SEL1L3: variants seen among roughly 807,000 people sequenced by gnomAD.
The protein encoded by SEL1L3 is SEL1L family member 3.
A neutral mutation model predicts 142.8 loss-of-function variants in SEL1L3; 76 were observed. That is an observed-to-expected ratio of 0.53 (90% CI 0.44 to 0.64). SEL1L3 has a LOEUF of 0.64. SEL1L3 is among the 30% of genes least tolerant of loss of function. The pLI is 0.00. For synonymous variants in SEL1L3, 504 were observed against 519.6 expected (o/e 0.97, Z 0.41); for missense variants, 1,262 against 1,381.7 (o/e 0.91, Z 1.37).
At chr4:25,791,314 A>G (rs1712320855) in intron 11 of SEL1L3, among the ~76,000 whole-genome samples, 1 of 152,248 alleles carries the variant, frequency 6.6e-6, no homozygotes, top group African/African-American at 2.4e-5. Context: ...AAGAAAGAAT[A>G]TGCTAGAGGC....
intron 1 of SEL1L3, among the ~76,000 whole-genome samples, chr4:25,852,125 T>C (rs1366296509): frequency 6.6e-6 from 1 of 152,120 alleles, no homozygotes; most frequent in East Asian, 1.9e-4. Context: ...ATAAAAATCA[T>C]CTCATAATTA....
At chr4:25,737,444 G>C in the SEL1L3 span, among the ~76,000 whole-genome samples, 71,169 of 151,964 alleles carry the variant, frequency 0.47, 17,146 homozygotes, top group East Asian at 0.67. Flanking sequence ...CTTCTTGATG[G>C]ATATGTGGGA....
rs756025955 is a variant in SEL1L3, at chr4:25,832,995, C to T, written c.1098G>A (p.Gln366=). The change falls in exon 5 of 24, where the codon CAG becomes CAA. Residue 366 remains glutamine (Q), a splice_region_variant and synonymous_variant. Coordinates refer to ENST00000399878, the MANE Select transcript of SEL1L3 (RefSeq NM_015187.5). The part of the protein sequence containing the change: ...FRLDISFNGG[Q]IVVTTSIGQD... ...TGTGATGAAGCGTGCATACAGATAC[C>T]TGGCCTCCGTTAAAAGAGATATCCA... 6.4e-7 allele frequency: 1 copy of T among 1,565,652 alleles called. No individual in the cohort carries two copies. The highest frequency in any genetic ancestry group is 8.8e-7 in the Non-Finnish European group (1 of 1,136,118).
chr4:25,724,161 G>A, the SEL1L3 span, among the ~76,000 whole-genome samples: 1 of 152,172 alleles, frequency 6.6e-6, no homozygotes, highest in Admixed American at 6.5e-5. Context: ...GCTCACACCT[G>A]TAATCCCAGC....
chr4:25,729,037 T>A, the SEL1L3 span, among the ~76,000 whole-genome samples: 3 of 152,072 alleles, frequency 2.0e-5, no homozygotes, highest in Admixed American at 2.0e-4. Flanking sequence ...ACCAGACGTT[T>A]TTTTTTCCCC....
At chr4:25,769,835 G>GT (rs372003430) in intron 17 of SEL1L3, among the ~76,000 whole-genome samples, 12 of 152,232 alleles carry the variant, frequency 7.9e-5, no homozygotes, top group Middle Eastern at 3.4e-3. Context: ...ACAAAATGAG[G>GT]TTTTTTCTGG....
the SEL1L3 span, among the ~76,000 whole-genome samples, chr4:25,732,028 C>G: frequency 3.9e-5 from 6 of 152,110 alleles, no homozygotes; most frequent in Non-Finnish European, 7.4e-5. Context: ...GATCGGAAAT[C>G]ACAGCACTGC....
intron 2 of SEL1L3, among the ~76,000 whole-genome samples, chr4:25,842,341 C>T (rs2109301561): frequency 6.7e-6 from 1 of 148,252 alleles, no homozygotes; most frequent in African/African-American, 2.5e-5. Flanking sequence ...TTTTGCCAAG[C>T]AGACATGGAA....
intron 1 of SEL1L3, among the ~76,000 whole-genome samples, chr4:25,856,577 G>C (rs1353817233): frequency 7.0e-6 from 1 of 143,772 alleles, no homozygotes; most frequent in Admixed American, 7.1e-5. Flanking sequence ...TTGTGTAAAT[G>C]TGCATGTATT....
At chr4:25,781,789 C>T (rs768362712) in intron 15 of SEL1L3, among the ~76,000 whole-genome samples, 1 of 152,164 alleles carries the variant, frequency 6.6e-6, no homozygotes, top group Admixed American at 6.5e-5. Context: ...GTGCTTGGCA[C>T]AGAGGAAATG....
At chr4:25,736,895 A>G in the SEL1L3 span, among the ~76,000 whole-genome samples, 3 of 152,020 alleles carry the variant, frequency 2.0e-5, no homozygotes, top group African/African-American at 7.2e-5. Flanking sequence ...CCTTATCTTG[A>G]AGTCTATTTT....
chr4:25,734,471 G>A, the SEL1L3 span, among the ~76,000 whole-genome samples: 56 of 152,208 alleles, frequency 3.7e-4, no homozygotes, highest in African/African-American at 1.3e-3. Context: ...GGTTTTAAAT[G>A]TTAAACAACC....
chr4:25,844,345 C>T (rs765932934), intron 2 of SEL1L3, among the ~76,000 whole-genome samples: 1 of 152,150 alleles, frequency 6.6e-6, no homozygotes, highest in Non-Finnish European at 1.5e-5. Flanking sequence ...TTTCGGTAAA[C>T]AAATCACAGC....
chr4:25,862,918 G>A lies in SEL1L3; in HGVS notation c.-82C>T. The stretch of plus-strand genomic sequence containing the variant: ...CGCCCGAGGCGCCACCTTCCCGCCC[G>A]CCCCCGGCCGGGCCGGCCGCCGCGC... On this transcript the variant is annotated 5_prime_UTR_variant, in exon 1 of 24. Coordinates refer to ENST00000399878, the MANE Select transcript of SEL1L3 (RefSeq NM_015187.5). The A allele has an allele frequency of 2.1e-6, 2 of 933,414 alleles. No individual in the cohort carries two copies. Among genetic ancestry groups the A allele is most frequent in the Non-Finnish European group, 2.5e-6 (2 of 796,294 alleles). 57.8% of individuals were successfully genotyped at this position (933,414 alleles called of 1,614,324 possible). A position where few individuals can be genotyped will look rare whatever the true frequency, so the allele number is the denominator to read the frequency against.
chr4:25,714,049 T>C, the SEL1L3 span, among the ~76,000 whole-genome samples: 5 of 152,182 alleles, frequency 3.3e-5, no homozygotes, highest in African/African-American at 1.2e-4. Flanking sequence ...ATAAGGCAAG[T>C]CACTCCTCTT....
chr4:25,729,306 G>T, the SEL1L3 span, among the ~76,000 whole-genome samples: 1 of 152,146 alleles, frequency 6.6e-6, no homozygotes, highest in Non-Finnish European at 1.5e-5. Flanking sequence ...GCATTTTAAT[G>T]TTAAGTCTCC....
rs557487563 is a variant in SEL1L3, at chr4:25,782,227, T to A, written c.2457+15A>T. 2.5e-6 allele frequency: 4 copies of A among 1,611,236 alleles called. No homozygotes were observed. The highest frequency in any genetic ancestry group is 2.2e-5 in the South Asian group (2 of 90,872). ...TGACTGACTAGTTGCAGAGTGGGTC[T>A]CAAGTCCTACTCACTTGATTCCTTC... On this transcript the variant is annotated intron_variant, in intron 15 of 23. Coordinates refer to ENST00000399878, the MANE Select transcript of SEL1L3 (RefSeq NM_015187.5).
In SEL1L3 at chr4:25,822,023, A is replaced by G; in HGVS notation, c.1263T>C (p.Tyr421=). Residue 421 remains tyrosine (Y), a synonymous_variant, in exon 7 of 24, where the codon TAT becomes TAC. Coordinates refer to ENST00000399878, the MANE Select transcript of SEL1L3 (RefSeq NM_015187.5). ...GGGCGGGGTGCAGACTGCGAAGGCG[A>G]TAGTACTTCAGGGGTCCAAAAAACC... The part of the protein sequence containing the change: ...IEGFFGPLKY[Y]RLRSLHPAQI... The G allele has an allele frequency of 6.2e-7, 1 of 1,613,934 alleles. No individual in the cohort carries two copies. The highest frequency in any genetic ancestry group is 1.1e-5 in the South Asian group (1 of 91,066).
At position 25,851,086 on chromosome 4, in the gene SEL1L3, A is replaced by G. The variant is rs186136035; in HGVS notation, c.163-3222T>C. 2.4e-4 allele frequency among the ~76,000 whole-genome samples: 37 copies of G among 152,202 alleles called. No individual in the cohort carries two copies. In the East Asian group the frequency reaches 6.2e-3, roughly 25 times the overall value. ...GGCTGGTCTCGAACTCCTGACCTCA[A>G]GTAATCCACCCACTTCAGCCTCCCA... On this transcript the variant is annotated intron_variant, in intron 1 of 23. Coordinates refer to ENST00000399878, the MANE Select transcript of SEL1L3 (RefSeq NM_015187.5).
Sources: gnomAD v4.1 joint callset for allele counts (sites outside exome capture counted in the v4.1 genomes callset) on GRCh38, gnomAD v4.1.1 for gene constraint, MANE v1.5 for transcripts, NCBI Gene and HGNC (gene_info 2026-07-23, HGNC 2026-07-21) for gene names.